The following NECAP1 variants were observed in gnomAD, a reference collection of about 807,000 sequenced individuals.
The protein encoded by NECAP1 is adaptin ear-binding coat-associated protein 1.
Under a neutral mutation model 33.4 loss-of-function variants are expected in NECAP1, and 13 were observed. The ratio of observed to expected loss-of-function variants is 0.39; its 90% CI spans 0.25 to 0.62. The LOEUF (loss-of-function observed/expected upper bound fraction) is 0.62. Among genes scored for constraint, NECAP1 ranks in the 20% least tolerant of loss-of-function variants. The probability of loss-of-function intolerance (pLI) is 0.52; values close to 1 mark genes in which losing one functional copy is unlikely to be tolerated. For synonymous variants in NECAP1, 109 were observed against 125.2 expected (o/e 0.87, Z 0.86); for missense variants, 272 against 347.4 (o/e 0.78, Z 1.73).
intron 1 of NECAP1, among the ~76,000 whole-genome samples, chr12:8,085,310 A>G (rs1985484): frequency 0.25 from 37,349 of 152,042 alleles, 6,038 homozygotes; most frequent in African/African-American, 0.46. Context: ...GAGCCACCGC[A>G]CCCGGCCTAC....
At chr12:8,095,543 C>T (rs761051066) in intron 6 of NECAP1, 58 bp from the exon 7 acceptor site, 122 of 1,431,180 alleles carry the variant, frequency 8.5e-5, no homozygotes, top group East Asian at 7.9e-4. Context: ...CCACCGCGCC[C>T]GGCCCTTCCA....
intron 6 of NECAP1, 55 bp downstream of exon 6, chr12:8,093,110 A>G: frequency 6.5e-7 from 1 of 1,535,126 alleles, no homozygotes; most frequent in Non-Finnish European, 9.0e-7. Context: ...TAATTAAGCA[A>G]CACCTGTTTG....
At chr12:8,083,302 A>G (rs973759740) in intron 1 of NECAP1, among the ~76,000 whole-genome samples, 4 of 152,090 alleles carry the variant, frequency 2.6e-5, no homozygotes, top group Non-Finnish European at 5.9e-5. Flanking sequence ...TAGTGATGAT[A>G]CCTGCGCTCT....
chr12:8,092,271 G>A (rs1947556139), intron 4 of NECAP1: 1 of 266,532 alleles, frequency 3.8e-6, no homozygotes, highest in Admixed American at 5.1e-5. Context: ...TGTGCACACT[G>A]TCAGCTTCCT....
At chr12:8,083,729 G>GTGTT (rs1947464485) in intron 1 of NECAP1, among the ~76,000 whole-genome samples, 6 of 91,186 alleles carry the variant, frequency 6.6e-5, no homozygotes, top group East Asian at 6.5e-4. Context: ...CCCAGCCGTC[G>GTGTT]TTTTTTTTTT....
intron 5 of NECAP1, 24 bp downstream of exon 5, chr12:8,092,808 TG>T: frequency 1.2e-6 from 2 of 1,600,816 alleles, no homozygotes; most frequent in Non-Finnish European, 1.7e-6. Context: ...TTAAAAATTT[TG>T]TTTTCCTGTG....
Position 8,095,699 on chromosome 12 carries a change from T to A in NECAP1, c.775T>A (p.Ser259Thr). ...CTTGTGGGGAGACTTCAGCACTGCC[T>A]CCAGGTAATGGGCATAGTGAAACTA... ...NDLWGDFSTA[S>T]SSVPNQAPQP... Residue 259 changes from serine (S) to threonine (T), a missense_variant, in exon 7 of 8, where the codon TCC (serine) becomes ACC (threonine). Coordinates refer to ENST00000339754, the MANE Select transcript of NECAP1 (RefSeq NM_015509.4). The A allele has an allele frequency of 6.2e-7, 1 of 1,608,752 alleles. No homozygotes were observed. Among genetic ancestry groups the A allele is most frequent in the Non-Finnish European group, 8.5e-7 (1 of 1,175,140 alleles).
intron 1 of NECAP1, among the ~76,000 whole-genome samples, chr12:8,085,477 T>C: frequency 6.6e-6 from 1 of 152,226 alleles, no homozygotes; most frequent in Non-Finnish European, 1.5e-5. Flanking sequence ...GTGTTTTCCA[T>C]GTCTACTGGC....
chr12:8,083,421 C>CTTTT (rs71042328), intron 1 of NECAP1, among the ~76,000 whole-genome samples: 8 of 65,840 alleles, frequency 1.2e-4, no homozygotes, highest in Non-Finnish European at 1.6e-4. Flanking sequence ...TTTGTTTGTT[C>CTTTT]TTTTTTTTTT....
chr12:8,096,176 T>C lies in NECAP1; in HGVS notation c.*86T>C. 7.2e-7 allele frequency: 1 copy of C among 1,379,946 alleles called. No homozygotes were observed. Among genetic ancestry groups the C allele is most frequent in the Non-Finnish European group, 1.0e-6 (1 of 987,856 alleles). 85.5% of individuals were successfully genotyped at this position (1,379,946 alleles called of 1,614,324 possible). A position where few individuals can be genotyped will look rare whatever the true frequency, so the allele number is the denominator to read the frequency against. On this transcript the variant is annotated 3_prime_UTR_variant, in exon 8 of 8. Transcript: ENST00000339754. ...ATCTGTGAGGGAAGTTAGGAACCCA[T>C]TTCCTCCCCAGAACCAGAATGACTG...
At position 8,095,605 on chromosome 12, in the gene NECAP1, C is replaced by T; in HGVS notation, c.681C>T (p.Ile227=). ...KSNHGGSDAD[I]LLDLDSPAPV... is the part of the protein sequence containing the mutation. ...CTTTTCTTACCTTGTGTTTAGATAT[C>T]CTTTTAGATTTGGATTCTCCTGCTC... Residue 227 remains isoleucine, a synonymous_variant, in exon 7 of 8, where the codon ATC becomes ATT. Coordinates refer to ENST00000339754, the MANE Select transcript of NECAP1 (RefSeq NM_015509.4). 6.2e-7 allele frequency: 1 copy of T among 1,608,492 alleles called. No individual in the cohort carries two copies. The highest frequency in any genetic ancestry group is 8.5e-7 in the Non-Finnish European group (1 of 1,175,202).
rs1947590023 is a variant in NECAP1, at chr12:8,095,951, AG to A, written c.780-89del. On this transcript the variant is annotated intron_variant, in intron 7 of 7. Coordinates refer to ENST00000339754, the MANE Select transcript of NECAP1 (RefSeq NM_015509.4). ...CATGAAGTGTGGTTTTGGAAATTCTAGGCAGTGATTTCTTAGAAACTATTAA... is the reference window on the plus strand; with the variant it reads ...CATGAAGTGTGGTTTTGGAAATTCTAGCAGTGATTTCTTAGAAACTATTAA... 3.3e-6 allele frequency: 5 copies of A among 1,499,046 alleles called. 1 individual carries two copies. The highest frequency in any genetic ancestry group is 4.6e-6 in the Non-Finnish European group (5 of 1,092,480). 92.9% of individuals were successfully genotyped at this position (1,499,046 alleles called of 1,614,324 possible).
In NECAP1 at chr12:8,097,769, G is replaced by A. The variant is rs1947607750; in HGVS notation, c.*1679G>A. The A allele has an allele frequency of 6.6e-6, 1 of 152,508 alleles. No individual in the cohort carries two copies. Among genetic ancestry groups the A allele is most frequent in the East Asian group, 1.9e-4 (1 of 5,194 alleles). 9.4% of individuals were successfully genotyped at this position (152,508 alleles called of 1,614,324 possible). On this transcript the variant is annotated 3_prime_UTR_variant, in exon 8 of 8. Transcript: ENST00000339754. Reference sequence around the variant, plus strand: ...AATGGTAATTAAAAATATGAAAAAAGTGTCTCTTTTATCTTTTAATTTGCT... The same window carrying A: ...AATGGTAATTAAAAATATGAAAAAAATGTCTCTTTTATCTTTTAATTTGCT...
rs751386956 is a variant in NECAP1 at position 8,096,911 on chromosome 12, G to C, written c.*821G>C. 2 of 152,644 alleles carry C rather than the reference G, an allele frequency of 1.3e-5. No individual in the cohort carries two copies. The highest frequency in any genetic ancestry group is 2.9e-5 in the Non-Finnish European group (2 of 68,052). The allele number at this position is 152,644 out of a possible 1,614,324, so 9.5% of individuals were successfully genotyped here. A position where few individuals can be genotyped will look rare whatever the true frequency, so the allele number is the denominator to read the frequency against. On this transcript the variant is annotated 3_prime_UTR_variant, in exon 8 of 8. Transcript: ENST00000339754. ...GCAGCTCCATCTGGTTGCTGCATTT[G>C]AAGCATGGCATTAATTTGTATTTGC...
At chr12:8,083,729 G>GTTTTT (rs71042329) in intron 1 of NECAP1, among the ~76,000 whole-genome samples, 24 of 91,178 alleles carry the variant, frequency 2.6e-4, no homozygotes, top group African/African-American at 5.7e-4. Context: ...CCCAGCCGTC[G>GTTTTT]TTTTTTTTTT....
chr12:8,096,144 G>T lies in NECAP1; in HGVS notation c.*54G>T, dbSNP rs1402792658. 1 of 1,564,678 alleles carries T rather than the reference G, an allele frequency of 6.4e-7. No individual in the cohort carries two copies. The highest frequency in any genetic ancestry group is 2.3e-5 in the East Asian group (1 of 44,266). ...CTTGAGGAATAAAAATGACCTTGAG[G>T]GCACCAATCTGTGAGGGAAGTTAGG... On this transcript the variant is annotated 3_prime_UTR_variant, in exon 8 of 8. Coordinates refer to ENST00000339754, the MANE Select transcript of NECAP1 (RefSeq NM_015509.4).
At chr12:8,091,652 G>A in intron 3 of NECAP1, 117 bp from the exon 4 acceptor site, 1 of 815,590 alleles carries the variant, frequency 1.2e-6, no homozygotes, top group South Asian at 1.5e-5. Flanking sequence ...TCTCTCGTGT[G>A]CAACTCACCT....
chr12:8,091,958 T>C (rs1205485681), intron 4 of NECAP1, 108 bp downstream of exon 4: 1 of 940,616 alleles, frequency 1.1e-6, no homozygotes, highest in African/African-American at 1.7e-5. Flanking sequence ...TTTCTTAAAC[T>C]ATTTCATTGT....
At chr12:8,091,718 C>A in intron 3 of NECAP1, 51 bp from the exon 4 acceptor site, 1 of 1,554,284 alleles carries the variant, frequency 6.4e-7, no homozygotes, top group Non-Finnish European at 8.9e-7. Flanking sequence ...GGGTTGGGGG[C>A]TCCTGCCATA....
Sources: gnomAD v4.1 joint callset for allele counts (sites outside exome capture counted in the v4.1 genomes callset) on GRCh38, gnomAD v4.1.1 for gene constraint, MANE v1.5 for transcripts, NCBI Gene and HGNC (gene_info 2026-07-23, HGNC 2026-07-21) for gene names.